Variants in PLA2G4C observed in about 807,000 individuals in gnomAD.
The protein encoded by PLA2G4C is cytosolic phospholipase A2 gamma.
A neutral mutation model predicts 73.8 loss-of-function variants in PLA2G4C; 64 were observed. The observed-to-expected ratio is 0.87, with a 90% CI of 0.71 to 1.07. The LOEUF is 1.07. Among genes scored for constraint, PLA2G4C ranks in the 50% least tolerant of loss-of-function variants. The probability of loss-of-function intolerance (pLI) is 0.00; values close to 1 mark genes in which losing one functional copy is unlikely to be tolerated. For synonymous variants in PLA2G4C, 254 were observed against 252.1 expected (o/e 1.01, Z -0.07); for missense variants, 622 against 665.4 (o/e 0.93, Z 0.72).
chr19:48,107,887 C>G (rs2032311378), intron 1 of PLA2G4C, among the ~76,000 whole-genome samples: 1 of 152,110 alleles, frequency 6.6e-6, no homozygotes, highest in Admixed American at 6.6e-5. Context: ...ATAAGCTATC[C>G]TCTCTCTCTA....
chr19:48,060,090 T>G (rs1023339016), intron 14 of PLA2G4C, among the ~76,000 whole-genome samples: 7 of 151,998 alleles, frequency 4.6e-5, no homozygotes, highest in Admixed American at 2.0e-4. Flanking sequence ...CTTTTGAGGC[T>G]TTCGGACTCG....
chr19:48,050,960 C>A (rs1967703992), intron 16 of PLA2G4C, among the ~76,000 whole-genome samples: 1 of 152,066 alleles, frequency 6.6e-6, no homozygotes, highest in African/African-American at 2.4e-5. Flanking sequence ...CAGGTGTGAG[C>A]CACGGCTCCT....
intron 7 of PLA2G4C, among the ~76,000 whole-genome samples, chr19:48,093,051 G>C (rs543026063): frequency 1.3e-5 from 2 of 152,208 alleles, no homozygotes; most frequent in East Asian, 3.9e-4. Flanking sequence ...GGGAGTACCT[G>C]GGAGTGACAA....
intron 13 of PLA2G4C, among the ~76,000 whole-genome samples, chr19:48,062,629 C>T (rs774941653): frequency 6.6e-5 from 10 of 152,004 alleles, no homozygotes; most frequent in Non-Finnish European, 1.2e-4. Context: ...AACAAATAAA[C>T]AGACAAACAC....
In PLA2G4C at chr19:48,054,476, T is replaced by A. The variant is rs570624427; in HGVS notation, c.1429+402A>T. On this transcript the variant is annotated intron_variant, in intron 15 of 16. Transcript: ENST00000599921. ...GCACCACCAAGCCCAGCAATTTATT[T>A]TTTTTTGTTGTTGTATTTTTAGTAG... 1.1e-4 allele frequency among the ~76,000 whole-genome samples: 16 copies of A among 150,770 alleles called. 1 individual carries two copies. The highest frequency in any genetic ancestry group is 2.6e-4 in the Admixed American group (4 of 15,172).
intron 13 of PLA2G4C, 52 bp downstream of exon 13, chr19:48,067,739 G>A: frequency 1.6e-6 from 2 of 1,214,998 alleles, no homozygotes; most frequent in Non-Finnish European, 2.4e-6. Context: ...CCCTACTCCA[G>A]CCCATTCACA....
chr19:48,069,209 C>A (rs1386241881), intron 12 of PLA2G4C, among the ~76,000 whole-genome samples: 4 of 152,038 alleles, frequency 2.6e-5, no homozygotes, highest in Non-Finnish European at 5.9e-5. Flanking sequence ...ATCATTGAGC[C>A]ACAGGTGAGA....
At chr19:48,088,744 A>T (rs1470248364) in intron 8 of PLA2G4C, 32 bp from the exon 9 acceptor site, 1 of 1,541,760 alleles carries the variant, frequency 6.5e-7, no homozygotes, top group South Asian at 1.1e-5. Context: ...AGGAATGTTT[A>T]TCTGTACAAC....
intron 7 of PLA2G4C, among the ~76,000 whole-genome samples, chr19:48,092,774 G>GTA (rs1568446469): frequency 1.5e-5 from 2 of 130,160 alleles, no homozygotes; most frequent in Non-Finnish European, 3.1e-5. Flanking sequence ...CAGGGACTTA[G>GTA]TATTCAATGG....
At position 48,053,062 on chromosome 19, in the gene PLA2G4C, T is replaced by G. The variant is rs201050467; in HGVS notation, c.1515A>C (p.Ala505=). The change falls in exon 16 of 17, where the codon GCA becomes GCC. Residue 505 remains alanine (A), a synonymous_variant. Transcript: ENST00000599921. ...TTTCCCTGACATTCTTCTTGGCTAATGCCAAGAGTAGCACCACCACATCTA... is the reference window on the plus strand; with the variant it reads ...TTTCCCTGACATTCTTCTTGGCTAAGGCCAAGAGTAGCACCACCACATCTA... The part of the protein sequence containing the change: ...YTLDVVVLLL[A]LAKKNVRENK... 44 of 1,612,218 alleles carry G rather than the reference T, an allele frequency of 2.7e-5. No homozygotes were observed. In the East Asian group the frequency reaches 9.1e-4, roughly 33 times the overall value.
chr19:48,059,186 G>A (rs1270035306), intron 14 of PLA2G4C, among the ~76,000 whole-genome samples: 1 of 150,042 alleles, frequency 6.7e-6, no homozygotes, highest in Non-Finnish European at 1.5e-5. Context: ...CAGGAGAATT[G>A]CTTGAACCCA....
chr19:48,100,779 G>GTCCC (rs2031865418), intron 4 of PLA2G4C, among the ~76,000 whole-genome samples: 1 of 149,790 alleles, frequency 6.7e-6, no homozygotes, highest in African/African-American at 2.5e-5. Flanking sequence ...TGTGGTTGCA[G>GTCCC]ACCCAGCTAC....
At chr19:48,065,352 G>A (rs1333128677) in intron 13 of PLA2G4C, among the ~76,000 whole-genome samples, 1 of 152,050 alleles carries the variant, frequency 6.6e-6, no homozygotes, top group Admixed American at 6.6e-5. Context: ...TCACACCTGT[G>A]CACCTATAAT....
chr19:48,106,968 CTGAG>C lies in PLA2G4C; in HGVS notation c.-32-411_-32-408del, dbSNP rs531382149. Among the ~76,000 whole-genome samples, 5 of 152,224 alleles carry C rather than the reference CTGAG, an allele frequency of 3.3e-5. 1 individual carries two copies. The South Asian group carries it at 1.0e-3, about 32-fold the overall frequency. ...CAAGCGATTCTCCTGCCTCAGCCTC[CTGAG>C]TATCTGGGATTACAGGCATGCACCA... On this transcript the variant is annotated intron_variant, in intron 1 of 16. Coordinates refer to ENST00000599921, the MANE Select transcript of PLA2G4C (RefSeq NM_003706.3).
chr19:48,085,419 A>G (rs185538890), intron 9 of PLA2G4C, among the ~76,000 whole-genome samples: 19 of 152,266 alleles, frequency 1.2e-4, no homozygotes, highest in Non-Finnish European at 2.4e-4. Context: ...AACGTTTCTC[A>G]GCCCACAGGC....
intron 9 of PLA2G4C, among the ~76,000 whole-genome samples, chr19:48,086,859 A>C (rs1229425720): frequency 6.6e-6 from 1 of 152,170 alleles, no homozygotes; most frequent in African/African-American, 2.4e-5. Flanking sequence ...CTAGCATTCA[A>C]GGAAGCCAAC....
At chr19:48,105,625 T>C (rs1485426646) in intron 2 of PLA2G4C, 181 bp from the exon 3 acceptor site, 2 of 559,090 alleles carry the variant, frequency 3.6e-6, no homozygotes, top group Non-Finnish European at 6.3e-6. Context: ...TACAACACTG[T>C]GAATGCATTG....
chr19:48,088,674 T>C lies in PLA2G4C; in HGVS notation c.790+12A>G, dbSNP rs2031120793. The C allele has an allele frequency of 1.9e-6, 3 of 1,598,762 alleles. No individual in the cohort carries two copies. The highest frequency in any genetic ancestry group is 1.3e-5 in the African/African-American group (1 of 74,738). On this transcript the variant is annotated intron_variant, in intron 9 of 16. Transcript: ENST00000599921. ...TTATCATCAGGGATTCATGATGAAG[T>C]AGGATGCTTACCTTTCAGGGTCAGA...
rs2030032073 is a variant in PLA2G4C at position 48,074,852 on chromosome 19, G to A, written c.921C>T (p.His307=). ...PPEDEGGEPE[H]TWLTEMLENW... is the part of the protein sequence containing the mutation. Reference sequence around the variant, plus strand: ...TCTCGAGCATCTCAGTCAGCCAGGTGTGTTCAGGCTCACCGCCTTCATCTA... The same window carrying A: ...TCTCGAGCATCTCAGTCAGCCAGGTATGTTCAGGCTCACCGCCTTCATCTA... Residue 307 remains histidine (H), a synonymous_variant, in exon 12 of 17, where the codon CAC becomes CAT. Coordinates refer to ENST00000599921, the MANE Select transcript of PLA2G4C (RefSeq NM_003706.3). The A allele has an allele frequency of 6.2e-7, 1 of 1,610,514 alleles. No homozygotes were observed. Among genetic ancestry groups the A allele is most frequent in the Non-Finnish European group, 8.5e-7 (1 of 1,178,114 alleles).
Sources: allele counts gnomAD v4.1 joint callset (sites outside exome capture counted in the v4.1 genomes callset), GRCh38; gene constraint gnomAD v4.1.1; transcripts MANE v1.5; gene names NCBI Gene and HGNC (gene_info 2026-07-23, HGNC 2026-07-21).